The following HIPK1 variants were observed in gnomAD, a reference collection of about 807,000 sequenced individuals.
HIPK1 encodes the protein homeodomain-interacting protein kinase 1.
A neutral mutation model predicts 117.1 loss-of-function variants in HIPK1; 28 were observed. That is an observed-to-expected ratio of 0.24 (90% CI 0.18 to 0.33). The LOEUF is 0.33. Among genes scored for constraint, HIPK1 ranks in the 10% least tolerant of loss-of-function variants. The pLI is 1.00. For synonymous variants in HIPK1, 605 were observed against 562.5 expected, an observed-to-expected ratio of 1.08 and a Z score of -1.07; for missense variants, 1,122 against 1,475.1, an observed-to-expected ratio of 0.76 and a Z score of 3.92.
intron 2 of HIPK1, among the ~76,000 whole-genome samples, chr1:113,949,064 C>T (rs1264661646): frequency 6.6e-6 from 1 of 152,160 alleles, no homozygotes; most frequent in East Asian, 1.9e-4. Context: ...ACTTGAACTC[C>T]TGACCTCAGG....
chr1:113,966,866 A>T (rs1672483907), intron 11 of HIPK1, among the ~76,000 whole-genome samples: 1 of 145,948 alleles, frequency 6.9e-6, no homozygotes, highest in Non-Finnish European at 1.5e-5. Flanking sequence ...CCCATTAACC[A>T]TCCCTACCTC....
intron 1 of HIPK1, among the ~76,000 whole-genome samples, chr1:113,938,929 TACACACACACACACACAC>T (rs55979020): frequency 7.8e-5 from 9 of 115,502 alleles, no homozygotes; most frequent in Non-Finnish European, 1.2e-4. Context: ...AAAAAAAAAA[TACACACACACACACACAC>T]ACACACACAC....
At chr1:113,934,853 C>A (rs1381813944) in intron 1 of HIPK1, among the ~76,000 whole-genome samples, 1 of 148,782 alleles carries the variant, frequency 6.7e-6, no homozygotes, top group African/African-American at 2.5e-5. Context: ...AGCCAAGCGT[C>A]CTGGTGTGTG....
chr1:113,967,724 TG>T, intron 11 of HIPK1, 41 bp from the exon 12 acceptor site: 1 of 1,375,874 alleles, frequency 7.3e-7, no homozygotes, highest in Non-Finnish European at 9.7e-7. Context: ...GATTCTTCAG[TG>T]GTTTTGGAAT....
intron 1 of HIPK1, among the ~76,000 whole-genome samples, chr1:113,939,837 CTG>C (rs1670527988): frequency 6.6e-6 from 1 of 151,628 alleles, no homozygotes; most frequent in Admixed American, 6.6e-5. Context: ...CTGGAAGTGT[CTG>C]TGGGATATTC....
intron 2 of HIPK1, among the ~76,000 whole-genome samples, chr1:113,950,535 C>T (rs1250138610): frequency 2.6e-5 from 4 of 152,080 alleles, no homozygotes; most frequent in African/African-American, 4.8e-5. Flanking sequence ...GATGGAGTCT[C>T]GCTCTGTCGC....
intron 1 of HIPK1, among the ~76,000 whole-genome samples, chr1:113,934,077 C>T (rs1230960605): frequency 6.6e-6 from 1 of 152,098 alleles, no homozygotes; most frequent in Non-Finnish European, 1.5e-5. Context: ...ATGTGATAGA[C>T]AATATGTATA....
At position 113,940,888 on chromosome 1, in the gene HIPK1, T is replaced by A. The variant is rs1242731011; in HGVS notation, c.505T>A (p.Ser169Thr). 3 of 1,614,092 alleles carry A rather than the reference T, an allele frequency of 1.9e-6. No homozygotes were observed. The highest frequency in any genetic ancestry group is 2.2e-5 in the East Asian group (1 of 44,880). ...TTTVTTKSSSSSGEGDYQLVQ... is the reference protein window; with the variant it reads ...TTTVTTKSSSTSGEGDYQLVQ... ...CACTGTGACCACAAAGAGTAGCAGT[T>A]CCAGCGGAGAAGGGGATTACCAGCT... The change falls in exon 2 of 16, where the codon TCC (serine) becomes ACC (threonine). Residue 169 changes from serine to threonine, a missense_variant. Ser to Thr is a moderately conservative substitution (Grantham distance 58, BLOSUM62 1). Coordinates refer to ENST00000426820, the MANE Select transcript of HIPK1 (RefSeq NM_198268.3).
At position 113,929,835 on chromosome 1, in the gene HIPK1, C is replaced by T. The variant is rs1182894242; in HGVS notation, c.-3+303C>T. 6 of 987,496 alleles carry T rather than the reference C, an allele frequency of 6.1e-6. No homozygotes were observed. In the South Asian group the frequency reaches 1.4e-4, roughly 22 times the overall value. 61.2% of individuals were successfully genotyped at this position (987,496 alleles called of 1,614,324 possible). A position where few individuals can be genotyped will look rare whatever the true frequency, so the allele number is the denominator to read the frequency against. On this transcript the variant is annotated intron_variant, in intron 1 of 15. Coordinates refer to ENST00000426820, the MANE Select transcript of HIPK1 (RefSeq NM_198268.3). ...GCGGGGGCCGGGGCCCGGGCCGGCTCGCGCGGGGGGTATGATGACCCGGCT... is the reference window on the plus strand; with the variant it reads ...GCGGGGGCCGGGGCCCGGGCCGGCTTGCGCGGGGGGTATGATGACCCGGCT...
rs770706262 is a variant in HIPK1 at position 113,940,799 on chromosome 1, TAGA to T, written c.421_423del (p.Glu141del). The T allele has an allele frequency of 2.5e-6, 4 of 1,613,900 alleles. No homozygotes were observed. Among genetic ancestry groups the T allele is most frequent in the Non-Finnish European group, 8.5e-7 (1 of 1,180,030 alleles). On this transcript the variant is annotated inframe_deletion, in exon 2 of 16. Transcript: ENST00000426820. ...GACAGCAACGGTAGTGTGCAGATCATAGAAGAACATCCCCCTCTCATGCTGCAA... is the reference window on the plus strand; with the variant it reads ...GACAGCAACGGTAGTGTGCAGATCATAGAACATCCCCCTCTCATGCTGCAA...
In HIPK1 at chr1:113,963,470, G is replaced by C. The variant is rs1672255200; in HGVS notation, c.2187G>C (p.Leu729=). ...CGCAGTATGCGGTGCCCTTTACTCT[G>C]AGCTGCGCAGCCGGCCGGCCGGCGC... ...ITPQYAVPFT[L]SCAAGRPALV... Residue 729 remains leucine (L), a synonymous_variant, in exon 10 of 16, where the codon CTG becomes CTC. Coordinates refer to ENST00000426820, the MANE Select transcript of HIPK1 (RefSeq NM_198268.3). 1 of 1,614,206 alleles carries C rather than the reference G, an allele frequency of 6.2e-7. No homozygotes were observed. Among genetic ancestry groups the C allele is most frequent in the African/African-American group, 1.3e-5 (1 of 75,052 alleles).
chr1:113,963,975 C>T (rs893288631), intron 10 of HIPK1, among the ~76,000 whole-genome samples: 2 of 152,186 alleles, frequency 1.3e-5, no homozygotes, highest in Non-Finnish European at 2.9e-5. Flanking sequence ...AGATAGCTTT[C>T]TCCTTTTTTT....
chr1:113,970,077 A>G lies in HIPK1; in HGVS notation c.2893A>G (p.Ser965Gly). 6.2e-7 allele frequency: 1 copy of G among 1,614,132 alleles called. No individual in the cohort carries two copies. The highest frequency in any genetic ancestry group is 8.5e-7 in the Non-Finnish European group (1 of 1,180,018). ...TACCCTGAGTGCTCTCCGAGGCAAT[A>G]GTGGATCCGTTTTGGAGGGGCCTGG... ...TDTLSALRGN[S>G]GSVLEGPGRV... is the part of the protein sequence containing the mutation. Residue 965 changes from serine (S) to glycine (G), a missense_variant, in exon 14 of 16, where the codon AGT becomes GGT. By Grantham distance (56) the Ser-to-Gly change is moderately conservative. Transcript: ENST00000426820.
chr1:113,945,556 C>G (rs1571673361), intron 2 of HIPK1, among the ~76,000 whole-genome samples: 1 of 152,176 alleles, frequency 6.6e-6, no homozygotes, highest in East Asian at 1.9e-4. Context: ...TGTGACTATT[C>G]AGTTCTTCAA....
intron 6 of HIPK1, 120 bp downstream of exon 6, chr1:113,956,931 T>C: frequency 3.0e-6 from 3 of 1,012,000 alleles, no homozygotes; most frequent in Non-Finnish European, 4.5e-6. Flanking sequence ...TCAGCAGTGC[T>C]TTTCTTTCTC....
intron 8 of HIPK1, 28 bp downstream of exon 8, chr1:113,958,319 G>A (rs1361467296): frequency 1.3e-6 from 2 of 1,512,736 alleles, no homozygotes; most frequent in East Asian, 2.3e-5. Context: ...TGTATCATAT[G>A]GTATTGTATC....
At position 113,975,762 on chromosome 1, in the gene HIPK1, G is replaced by A. The variant is rs1673108024; in HGVS notation, c.*2250G>A. 6.5e-6 allele frequency: 1 copy of A among 152,706 alleles called. No individual in the cohort carries two copies. The highest frequency in any genetic ancestry group is 1.5e-5 in the Non-Finnish European group (1 of 68,024). 9.5% of individuals were successfully genotyped at this position (152,706 alleles called of 1,614,324 possible). A position where few individuals can be genotyped will look rare whatever the true frequency, so the allele number is the denominator to read the frequency against. On this transcript the variant is annotated 3_prime_UTR_variant, in exon 16 of 16. Coordinates refer to ENST00000426820, the MANE Select transcript of HIPK1 (RefSeq NM_198268.3). Reference sequence around the variant, plus strand: ...AGGAACCAAAGCCTGTTGAGTCATTGAGGCTTTTGAGGTTTCTTTTTTAAC... The same window carrying A: ...AGGAACCAAAGCCTGTTGAGTCATTAAGGCTTTTGAGGTTTCTTTTTTAAC...
At chr1:113,972,573 G>A (rs1672910838) in intron 15 of HIPK1, among the ~76,000 whole-genome samples, 1 of 152,200 alleles carries the variant, frequency 6.6e-6, no homozygotes, top group Admixed American at 6.5e-5. Flanking sequence ...GAGAGCACAT[G>A]CAAGTGAAAA....
rs1201177694 is a variant in HIPK1, at chr1:113,974,237, T to A, written c.*725T>A. ...AGGCAGCTCACCATTTGCTGGTAAC[T>A]TAATGTGAGAGAATCCATATCTGCG... On this transcript the variant is annotated 3_prime_UTR_variant, in exon 16 of 16. Transcript: ENST00000426820. 1 of 152,618 alleles carries A rather than the reference T, an allele frequency of 6.6e-6. No individual in the cohort carries two copies. The highest frequency in any genetic ancestry group is 1.5e-5 in the Non-Finnish European group (1 of 68,022). 9.5% of individuals were successfully genotyped at this position (152,618 alleles called of 1,614,324 possible).
Sources: allele counts gnomAD v4.1 joint callset (sites outside exome capture counted in the v4.1 genomes callset), GRCh38; gene constraint gnomAD v4.1.1; transcripts MANE v1.5; gene names NCBI Gene and HGNC (gene_info 2026-07-23, HGNC 2026-07-21).